Variants in PLEKHB2 observed in about 807,000 individuals in gnomAD.
The protein encoded by PLEKHB2 is pleckstrin homology domain-containing family B member 2.
PLEKHB2 carries 31 observed loss-of-function variants against 36.5 expected under a neutral mutation model. The ratio of observed to expected loss-of-function variants is 0.85; its 90% CI spans 0.64 to 1.15. The LOEUF is 1.15. Ranked by LOEUF, PLEKHB2 falls within the 50% of genes most tolerant of loss-of-function variation. The pLI, the probability that PLEKHB2 is intolerant of heterozygous loss-of-function variation, is 0.00. For synonymous variants in PLEKHB2, 119 were observed against 112.0 expected, an observed-to-expected ratio of 1.06 and a Z score of -0.39; for missense variants, 262 against 295.3, an observed-to-expected ratio of 0.89 and a Z score of 0.83.
intron 2 of PLEKHB2, among the ~76,000 whole-genome samples, chr2:131,123,581 A>G (rs1256380777): frequency 6.6e-6 from 1 of 151,362 alleles, no homozygotes; most frequent in Non-Finnish European, 1.5e-5. Context: ...CTGGAGTGCA[A>G]TGGCATGATC....
intron 2 of PLEKHB2, among the ~76,000 whole-genome samples, chr2:131,121,838 C>T (rs943882395): frequency 1.3e-5 from 2 of 152,154 alleles, no homozygotes; most frequent in African/African-American, 4.8e-5. Flanking sequence ...GCAAACCTGT[C>T]TTTCATACAC....
chr2:131,144,446 AG>A (rs1699089776), intron 7 of PLEKHB2: 2 of 1,218,782 alleles, frequency 1.6e-6, no homozygotes, highest in Admixed American at 4.2e-5. Flanking sequence ...TGCAGTTTCC[AG>A]GGGTAAGTCC....
At chr2:131,124,534 T>C (rs1481021117) in intron 2 of PLEKHB2, among the ~76,000 whole-genome samples, 1 of 152,178 alleles carries the variant, frequency 6.6e-6, no homozygotes, top group Non-Finnish European at 1.5e-5. Flanking sequence ...TACTGTTTTA[T>C]ATACCACGTT....
At chr2:131,106,735 C>A (rs1286960509) in intron 1 of PLEKHB2, among the ~76,000 whole-genome samples, 1 of 152,108 alleles carries the variant, frequency 6.6e-6, no homozygotes, top group Non-Finnish European at 1.5e-5. Context: ...GTGGTGATCT[C>A]TTTACTCGAC....
chr2:131,129,992 G>C (rs1042186198), intron 4 of PLEKHB2, among the ~76,000 whole-genome samples: 3 of 152,078 alleles, frequency 2.0e-5, no homozygotes, highest in Admixed American at 2.0e-4. Flanking sequence ...TTGCCCTGTG[G>C]AGATGTTTAC....
At chr2:131,118,301 A>G (rs1696092996) in intron 1 of PLEKHB2, among the ~76,000 whole-genome samples, 1 of 152,162 alleles carries the variant, frequency 6.6e-6, no homozygotes, top group Non-Finnish European at 1.5e-5. Flanking sequence ...AAAATGAAAA[A>G]CATTTCGTTT....
chr2:131,125,917 T>G lies in PLEKHB2; in HGVS notation c.190+12T>G, dbSNP rs772833345. The G allele has an allele frequency of 2.5e-6, 4 of 1,610,266 alleles. No individual in the cohort carries two copies. The highest frequency in any genetic ancestry group is 3.4e-6 in the Non-Finnish European group (4 of 1,178,336). ...GCAGGAATGTCGGGGTAAGCTGGCC[T>G]GTCTTGGCCAACTTCTGTCTTCTGC... On this transcript the variant is annotated intron_variant, in intron 3 of 7. Transcript: ENST00000693505.
At position 131,139,353 on chromosome 2, in the gene PLEKHB2, G is replaced by C. The variant is rs185726769; in HGVS notation, c.424-814G>C. Among the ~76,000 whole-genome samples, 233 of 152,190 alleles carry C rather than the reference G, an allele frequency of 1.5e-3. 2 individuals are homozygous for C. Among genetic ancestry groups the C allele is most frequent in the Admixed American group, 0.013 (200 of 15,286 alleles). On this transcript the variant is annotated intron_variant, in intron 6 of 7. Coordinates refer to ENST00000693505, the MANE Select transcript of PLEKHB2 (RefSeq NM_001100623.2). ...GAGATTGTAGCTGTACTTAGCAGGA[G>C]GACTACAAGAAAGAATGTCTACTCC...
Position 131,125,638 on chromosome 2 carries a change from A to G in PLEKHB2, c.38-115A>G, listed in dbSNP as rs1697011099. ...GAGGATTGCTTGAGCCCAGGAGTTC[A>G]AGGCTGCAGTGACCTATGATCATGT... On this transcript the variant is annotated intron_variant, in intron 2 of 7. Coordinates refer to ENST00000693505, the MANE Select transcript of PLEKHB2 (RefSeq NM_001100623.2). The G allele has an allele frequency of 3.7e-6, 3 of 803,178 alleles. No homozygotes were observed. In the East Asian group the frequency reaches 8.2e-5, roughly 22 times the overall value. 49.8% of individuals were successfully genotyped at this position (803,178 alleles called of 1,614,324 possible).
chr2:131,129,269 G>A (rs1697407912), intron 4 of PLEKHB2, among the ~76,000 whole-genome samples: 1 of 133,800 alleles, frequency 7.5e-6, no homozygotes, highest in South Asian at 2.6e-4. Context: ...AGGTTGCGGT[G>A]AGCCAAGATC....
chr2:131,105,767 G>T (rs1442721725), intron 1 of PLEKHB2, among the ~76,000 whole-genome samples: 1 of 152,008 alleles, frequency 6.6e-6, no homozygotes, highest in African/African-American at 2.4e-5. Context: ...CTCCTTTCCC[G>T]ACTGCAGCCT....
chr2:131,134,266 AACCTCCACCTCC>A (rs1698014783), intron 6 of PLEKHB2, among the ~76,000 whole-genome samples: 1 of 151,954 alleles, frequency 6.6e-6, no homozygotes, highest in East Asian at 1.9e-4. Flanking sequence ...GGCTCACCAC[AACCTCCACCTCC>A]CGGGTTCAAG....
chr2:131,125,828 A>C lies in PLEKHB2; in HGVS notation c.113A>C (p.Gln38Pro), dbSNP rs1430674044. Residue 38 changes from glutamine (Q) to proline (P), a missense_variant, in exon 3 of 8, where the codon CAG becomes CCG. Coordinates refer to ENST00000693505, the MANE Select transcript of PLEKHB2 (RefSeq NM_001100623.2). ...SDGHLIYYDD[Q>P]TRQNIEDKVH... ...GGTCACCTGATCTATTATGATGACC[A>C]GACTCGGCAGAATATCGAGGATAAG... is the stretch of plus-strand genomic sequence containing the variant. 1.2e-6 allele frequency: 2 copies of C among 1,613,722 alleles called. No individual in the cohort carries two copies. The highest frequency in any genetic ancestry group is 1.7e-5 in the Admixed American group (1 of 60,010).
intron 1 of PLEKHB2, among the ~76,000 whole-genome samples, chr2:131,114,679 C>A (rs576724970): frequency 6.6e-6 from 1 of 152,248 alleles, no homozygotes; most frequent in East Asian, 1.9e-4. Context: ...AGGACAGGGA[C>A]AAAATACCAC....
At chr2:131,107,038 A>G (rs1466455982) in intron 1 of PLEKHB2, among the ~76,000 whole-genome samples, 2 of 152,216 alleles carry the variant, frequency 1.3e-5, no homozygotes, top group Non-Finnish European at 2.9e-5. Flanking sequence ...CTCCTTGGGA[A>G]GGTGGAGGTT....
chr2:131,125,632 G>A (rs1292946031), intron 2 of PLEKHB2, 121 bp from the exon 3 acceptor site: 3 of 729,078 alleles, frequency 4.1e-6, no homozygotes, highest in Non-Finnish European at 6.6e-6. Flanking sequence ...TTGAGCCCAG[G>A]AGTTCAAGGC....
intron 1 of PLEKHB2, chr2:131,108,062 C>T (rs1694915156): frequency 6.6e-6 from 1 of 152,162 alleles, no homozygotes; most frequent in Admixed American, 6.5e-5. Flanking sequence ...CCTGGTCATA[C>T]AGGTAAGAAA....
At chr2:131,129,689 A>T (rs116774662) in intron 4 of PLEKHB2, among the ~76,000 whole-genome samples, 2,056 of 152,226 alleles carry the variant, frequency 0.014, 46 homozygotes, top group African/African-American at 0.047. Flanking sequence ...TTTTTAGTAG[A>T]AGCTTGGTTT....
intron 1 of PLEKHB2, among the ~76,000 whole-genome samples, chr2:131,110,810 T>G (rs1695232138): frequency 6.6e-6 from 1 of 152,226 alleles, no homozygotes; most frequent in African/African-American, 2.4e-5. Flanking sequence ...TGGGAAGTTT[T>G]TAGGTTCTCT....
Sources: allele counts gnomAD v4.1 joint callset (sites outside exome capture counted in the v4.1 genomes callset), GRCh38; gene constraint gnomAD v4.1.1; transcripts MANE v1.5; gene names NCBI Gene and HGNC (gene_info 2026-07-23, HGNC 2026-07-21).